Variants in ARHGAP15 observed in about 807,000 individuals in gnomAD.
ARHGAP15 encodes Rho GTPase activating protein 15.
In ARHGAP15, 51 loss-of-function variants were observed where a neutral mutation model predicts 63.7. The ratio of observed to expected loss-of-function variants is 0.80; its 90% CI spans 0.64 to 1.01. ARHGAP15 has a LOEUF of 1.01. Ranked by LOEUF, ARHGAP15 falls within the 50% of genes least tolerant of loss-of-function variation. The pLI is 0.00. For synonymous variants in ARHGAP15, 191 were observed against 193.8 expected, an observed-to-expected ratio of 0.99 and a Z score of 0.12; for missense variants, 560 against 564.6, an observed-to-expected ratio of 0.99 and a Z score of 0.08.
chr2:143,539,380 T>C (rs1694938265), intron 10 of ARHGAP15, among the ~76,000 whole-genome samples: 1 of 152,144 alleles, frequency 6.6e-6, no homozygotes, highest in Non-Finnish European at 1.5e-5. Context: ...TCTATTTCCT[T>C]CAGTTCTGCT....
chr2:143,218,368 G>A (rs2105148700), intron 4 of ARHGAP15, among the ~76,000 whole-genome samples: 1 of 134,706 alleles, frequency 7.4e-6, no homozygotes, highest in African/African-American at 2.8e-5. Flanking sequence ...TTGTGGCCTT[G>A]TGCTATTATC....
intron 8 of ARHGAP15, among the ~76,000 whole-genome samples, chr2:143,443,909 A>G (rs1308096701): frequency 2.0e-5 from 3 of 152,162 alleles, no homozygotes; most frequent in Non-Finnish European, 4.4e-5. Context: ...CAAAACATTC[A>G]GTTTTCAATG....
chr2:143,382,793 G>A (rs1687117653), intron 6 of ARHGAP15, among the ~76,000 whole-genome samples: 1 of 152,164 alleles, frequency 6.6e-6, no homozygotes. Flanking sequence ...CGACTTTTCT[G>A]TGCTGTTCAC....
chr2:143,441,114 C>T (rs1050584372), intron 8 of ARHGAP15, among the ~76,000 whole-genome samples: 1 of 151,984 alleles, frequency 6.6e-6, no homozygotes, highest in African/African-American at 2.4e-5. Context: ...TATTATTATC[C>T]TCCATGTCCC....
chr2:143,155,643 G>C lies in ARHGAP15; in HGVS notation c.153G>C (p.Lys51Asn). 6.4e-7 allele frequency: 1 copy of C among 1,570,180 alleles called. No individual in the cohort carries two copies. The highest frequency in any genetic ancestry group is 8.6e-7 in the Non-Finnish European group (1 of 1,163,412). The part of the protein sequence containing the change: ...SKSMILTDVG[K>N]VTEPISRHRR... ...CCATGATCCTCACCGATGTCGGGAA[G>C]GTCACTGAACCTGTAAGTCAAATAC... The change falls in exon 2 of 14, where the codon AAG (lysine) becomes AAC (asparagine). Residue 51 changes from lysine to asparagine, a missense_variant. Coordinates refer to ENST00000295095, the MANE Select transcript of ARHGAP15 (RefSeq NM_018460.4).
intron 10 of ARHGAP15, among the ~76,000 whole-genome samples, chr2:143,553,342 A>G (rs1695656385): frequency 6.6e-6 from 1 of 152,216 alleles, no homozygotes; most frequent in Non-Finnish European, 1.5e-5. Flanking sequence ...GGAGCCGCTA[A>G]TGTCAGAGAT....
At chr2:143,499,212 A>G (rs980791301) in intron 9 of ARHGAP15, among the ~76,000 whole-genome samples, 10 of 152,298 alleles carry the variant, frequency 6.6e-5, no homozygotes, top group Admixed American at 2.6e-4. Context: ...AGTATTGACT[A>G]ACTGTCTGTG....
chr2:143,135,374 T>C (rs1285910632), intron 1 of ARHGAP15, among the ~76,000 whole-genome samples: 1 of 152,214 alleles, frequency 6.6e-6, no homozygotes, highest in Non-Finnish European at 1.5e-5. Context: ...TGGTTATTAG[T>C]CCAATTCCAT....
chr2:143,247,127 C>G (rs539873474), intron 5 of ARHGAP15, among the ~76,000 whole-genome samples: 2 of 152,156 alleles, frequency 1.3e-5, no homozygotes, highest in African/African-American at 2.4e-5. Context: ...GTTCCTTGTC[C>G]GTGAGGAACA....
chr2:143,278,365 T>C (rs1158308165), intron 6 of ARHGAP15, among the ~76,000 whole-genome samples: 1 of 152,148 alleles, frequency 6.6e-6, no homozygotes, highest in Non-Finnish European at 1.5e-5. Flanking sequence ...ACTGATCACA[T>C]GCCCACCCCA....
At chr2:143,352,631 C>T (rs1412557321) in intron 6 of ARHGAP15, among the ~76,000 whole-genome samples, 1 of 152,104 alleles carries the variant, frequency 6.6e-6, no homozygotes, top group Non-Finnish European at 1.5e-5. Flanking sequence ...GTGAGAAGTC[C>T]TGAATAAAAA....
chr2:143,521,942 A>G (rs1374847110), intron 10 of ARHGAP15: 1 of 152,162 alleles, frequency 6.6e-6, no homozygotes, highest in African/African-American at 2.4e-5. Context: ...TTATCCATCC[A>G]GTCAGTCAGT....
chr2:143,425,277 T>C (rs895573188), intron 6 of ARHGAP15, among the ~76,000 whole-genome samples: 25 of 152,100 alleles, frequency 1.6e-4, no homozygotes, highest in African/African-American at 5.5e-4. Context: ...TATTATAGAG[T>C]CACAGGTGGT....
chr2:143,341,288 C>G (rs1447452030), intron 6 of ARHGAP15, among the ~76,000 whole-genome samples: 1 of 152,100 alleles, frequency 6.6e-6, no homozygotes. Context: ...TCAAATCACT[C>G]TTTAAGACAC....
At chr2:143,498,055 G>C (rs1004470961) in intron 9 of ARHGAP15, among the ~76,000 whole-genome samples, 2 of 152,118 alleles carry the variant, frequency 1.3e-5, no homozygotes, top group African/African-American at 4.8e-5. Flanking sequence ...GATTAAGAGA[G>C]TGCTCTTTTA....
At chr2:143,648,386 A>G (rs1316716174) in intron 12 of ARHGAP15, among the ~76,000 whole-genome samples, 1 of 152,050 alleles carries the variant, frequency 6.6e-6, no homozygotes, top group Non-Finnish European at 1.5e-5. Context: ...AGTAGCCTAC[A>G]GGGTAATTCA....
intron 10 of ARHGAP15, among the ~76,000 whole-genome samples, chr2:143,525,669 T>A (rs1694242139): frequency 6.6e-6 from 1 of 152,162 alleles, no homozygotes; most frequent in Admixed American, 6.6e-5. Context: ...GCCACCTTCC[T>A]GACAGCACAG....
At chr2:143,153,911 CT>C (rs1207105938) in intron 1 of ARHGAP15, among the ~76,000 whole-genome samples, 4 of 126,064 alleles carry the variant, frequency 3.2e-5, no homozygotes, top group Non-Finnish European at 3.3e-5. Context: ...TATTCCTCTT[CT>C]TTTTTTTTCG....
At chr2:143,716,757 G>A (rs1326169999) in intron 13 of ARHGAP15, among the ~76,000 whole-genome samples, 1 of 152,210 alleles carries the variant, frequency 6.6e-6, no homozygotes, top group Non-Finnish European at 1.5e-5. Context: ...TGTTTCCAGG[G>A]AAGAAGGAAT....
Sources: allele counts gnomAD v4.1 joint callset (sites outside exome capture counted in the v4.1 genomes callset), GRCh38; gene constraint gnomAD v4.1.1; transcripts MANE v1.5; gene names NCBI Gene and HGNC (gene_info 2026-07-23, HGNC 2026-07-21).